Variants in HDAC8 observed in about 807,000 individuals in gnomAD.
HDAC8 encodes histone deacetylase-like 1.
A neutral mutation model predicts 32.2 loss-of-function variants in HDAC8; 1 was observed. That is an observed-to-expected ratio of 0.03 (90% CI 0.01 to 0.15). The LOEUF (loss-of-function observed/expected upper bound fraction) is 0.15. Ranked by LOEUF, HDAC8 falls within the 10% of genes least tolerant of loss-of-function variation. The pLI is 1.00. For missense variants in HDAC8, 117 were observed against 300.0 expected (o/e 0.39, Z 4.51); for synonymous variants, 108 against 113.9 (o/e 0.95, Z 0.33).
intron 9 of HDAC8, among the ~76,000 whole-genome samples, chrX:72,411,217 G>C (rs921529229): frequency 9.1e-6 from 1 of 109,581 alleles, no homozygotes; most frequent in Non-Finnish European, 1.9e-5. Flanking sequence ...GTAGAGACGG[G>C]GTTTCAACCT....
At chrX:72,572,188 A>C (rs1298366857) in intron 1 of HDAC8, 79 bp from the exon 2 acceptor site, 3 of 941,541 alleles carry the variant, frequency 3.2e-6, no homozygotes, top group Non-Finnish European at 4.4e-6. Flanking sequence ...AATCCCCGTC[A>C]ATCTCACCAT....
chrX:72,442,352 C>A (rs1205196962), intron 9 of HDAC8, among the ~76,000 whole-genome samples: 2 of 111,717 alleles, frequency 1.8e-5, no homozygotes, highest in Non-Finnish European at 3.8e-5. Flanking sequence ...AGAAACTCTA[C>A]AAGCCAGAAG....
intron 10 of HDAC8, among the ~76,000 whole-genome samples, chrX:72,350,073 C>T (rs941236544): frequency 9.0e-6 from 1 of 111,200 alleles, no homozygotes; most frequent in Admixed American, 9.6e-5. Context: ...AAGGCTGCAA[C>T]ACCATGAGAA....
chrX:72,492,031 T>C (rs1556010106), intron 5 of HDAC8, among the ~76,000 whole-genome samples: 1 of 111,955 alleles, frequency 8.9e-6, no homozygotes, highest in Non-Finnish European at 1.9e-5. Context: ...CCAAGCCTTA[T>C]GTTTGGCCCT....
intron 9 of HDAC8, among the ~76,000 whole-genome samples, chrX:72,429,406 T>C (rs996684157): frequency 8.9e-6 from 1 of 112,145 alleles, no homozygotes; most frequent in African/African-American, 3.2e-5. Flanking sequence ...TCTGATTTTA[T>C]CAAATGGTGC....
At chrX:72,431,337 T>C (rs1555977356) in intron 9 of HDAC8, among the ~76,000 whole-genome samples, 2 of 111,707 alleles carry the variant, frequency 1.8e-5, no homozygotes, top group Non-Finnish European at 3.8e-5. Context: ...GCAGGTTTCT[T>C]GTTTATCCTT....
rs782533554 is a variant in HDAC8 at position 72,441,400 on chromosome X, C to G, written c.1005+20604G>C. On this transcript the variant is annotated intron_variant, in intron 9 of 10. Transcript: ENST00000373573. Reference sequence around the variant, plus strand: ...TCACGAAAATCCACTCTTCTGCAGCCACCGCTGCTGGTACCCAGGCAAACA... The same window carrying G: ...TCACGAAAATCCACTCTTCTGCAGCGACCGCTGCTGGTACCCAGGCAAACA... Among the ~76,000 whole-genome samples the G allele has an allele frequency of 5.4e-4, 61 of 112,181 alleles. No individual in the cohort carries two copies. The Middle Eastern group carries it at 0.023, about 42-fold the overall frequency.
At chrX:72,508,240 T>C (rs1435929686) in intron 4 of HDAC8, among the ~76,000 whole-genome samples, 1 of 112,311 alleles carries the variant, frequency 8.9e-6, no homozygotes, top group African/African-American at 3.2e-5. Context: ...AAGGTTTGGC[T>C]TTCCTCTGTT....
chrX:72,563,839 G>A (rs781903829), intron 4 of HDAC8, among the ~76,000 whole-genome samples: 1 of 111,504 alleles, frequency 9.0e-6, no homozygotes, highest in East Asian at 2.8e-4. Flanking sequence ...ACACTCACTA[G>A]GAAACTGAGT....
chrX:72,353,129 T>G (rs2044231063), intron 9 of HDAC8, among the ~76,000 whole-genome samples: 1 of 112,017 alleles, frequency 8.9e-6, no homozygotes, highest in African/African-American at 3.2e-5. Context: ...TCCAGAGTTA[T>G]TGCCATTGTC....
At chrX:72,474,095 C>T (rs1388038038) in intron 7 of HDAC8, 1 of 738,181 alleles carries the variant, frequency 1.4e-6, no homozygotes, top group Non-Finnish European at 1.6e-6. Flanking sequence ...TTTATAAACA[C>T]TCATATACAT....
chrX:72,445,475 A>G (rs1348742503), intron 9 of HDAC8, among the ~76,000 whole-genome samples: 1 of 111,952 alleles, frequency 8.9e-6, no homozygotes, highest in African/African-American at 3.3e-5. Context: ...AAACTGGCTA[A>G]CCATATGTAG....
chrX:72,555,757 G>A (rs186842612), intron 4 of HDAC8, among the ~76,000 whole-genome samples: 33 of 112,685 alleles, frequency 2.9e-4, no homozygotes, highest in Admixed American at 2.8e-3. Flanking sequence ...TTGGGACTAT[G>A]TTAAATGTCC....
chrX:72,534,851 G>T (rs1319954688), intron 4 of HDAC8, among the ~76,000 whole-genome samples: 1 of 111,802 alleles, frequency 8.9e-6, no homozygotes, highest in East Asian at 2.8e-4. Context: ...ATGCCCTTTA[G>T]AAATTTATTC....
At chrX:72,375,280 G>C (rs1195619434) in intron 9 of HDAC8, among the ~76,000 whole-genome samples, 1 of 112,077 alleles carries the variant, frequency 8.9e-6, no homozygotes, top group Non-Finnish European at 1.9e-5. Context: ...TAAATATCTA[G>C]ATGAATAAAT....
chrX:72,506,840 A>G (rs1415346423), intron 4 of HDAC8, among the ~76,000 whole-genome samples: 1 of 110,698 alleles, frequency 9.0e-6, no homozygotes, highest in Non-Finnish European at 1.9e-5. Context: ...TCTTTACTAT[A>G]ATATAATCTT....
intron 4 of HDAC8, among the ~76,000 whole-genome samples, chrX:72,535,428 C>A (rs1444894248): frequency 9.0e-6 from 1 of 110,677 alleles, no homozygotes; most frequent in African/African-American, 3.3e-5. Context: ...TCTTTTAGTG[C>A]CCTTGTGTCT....
intron 9 of HDAC8, among the ~76,000 whole-genome samples, chrX:72,443,992 G>T (rs28769572): frequency 9.2e-6 from 1 of 108,268 alleles, no homozygotes; most frequent in Non-Finnish European, 1.9e-5. Context: ...CCAGGAAGAA[G>T]TTGAATCTCT....
intron 10 of HDAC8, among the ~76,000 whole-genome samples, chrX:72,345,680 TA>T (rs1394483811): frequency 4.5e-5 from 5 of 111,268 alleles, no homozygotes; most frequent in African/African-American, 1.3e-4. Flanking sequence ...ATTTTAGGAT[TA>T]AAAAAAATTT....
Sources: allele counts gnomAD v4.1 joint callset (sites outside exome capture counted in the v4.1 genomes callset), GRCh38; gene constraint gnomAD v4.1.1; transcripts MANE v1.5; gene names NCBI Gene and HGNC (gene_info 2026-07-23, HGNC 2026-07-21).